Variants in CMIP observed in about 807,000 individuals in gnomAD.
The protein encoded by CMIP is C-Maf-inducing protein.
Under a neutral mutation model 97.3 loss-of-function variants are expected in CMIP, and 13 were observed. That is an observed-to-expected ratio of 0.13 (90% CI 0.09 to 0.21). The LOEUF (loss-of-function observed/expected upper bound fraction) is 0.21. Ranked by LOEUF, CMIP falls within the 10% of genes least tolerant of loss-of-function variation. The pLI, the probability that CMIP is intolerant of heterozygous loss-of-function variation, is 1.00. For missense variants in CMIP, 847 were observed against 1,024.9 expected (o/e 0.83, Z 2.37); for synonymous variants, 538 against 436.3 (o/e 1.23, Z -2.91).
At chr16:81,648,047 G>GCACCCGCAAAGCCGTAGCCCACC (rs2092385790) in intron 3 of CMIP, among the ~76,000 whole-genome samples, 1 of 142,950 alleles carries the variant, frequency 7.0e-6, no homozygotes. Context: ...CCCTCCCCCT[G>GCACCCGCAAAGCCGTAGCCCACC]CTGCTTCCAC....
At chr16:81,462,424 G>A (rs548146039) in intron 1 of CMIP, among the ~76,000 whole-genome samples, 1 of 152,162 alleles carries the variant, frequency 6.6e-6, no homozygotes, top group African/African-American at 2.4e-5. Context: ...CCCTCTCTAG[G>A]GCAATAAACC....
At chr16:81,458,579 A>G (rs929365071) in intron 1 of CMIP, among the ~76,000 whole-genome samples, 2 of 152,122 alleles carry the variant, frequency 1.3e-5, no homozygotes, top group African/African-American at 2.4e-5. Flanking sequence ...GGAAGGAGGA[A>G]ACCCCCTGCC....
chr16:81,452,536 A>G (rs1906282256), intron 1 of CMIP, among the ~76,000 whole-genome samples: 1 of 152,138 alleles, frequency 6.6e-6, no homozygotes, highest in Non-Finnish European at 1.5e-5. Flanking sequence ...GGAGAAAAGC[A>G]AGCAGGGTGG....
At chr16:81,683,449 G>A (rs1905071221) in intron 10 of CMIP, among the ~76,000 whole-genome samples, 1 of 152,212 alleles carries the variant, frequency 6.6e-6, no homozygotes, top group African/African-American at 2.4e-5. Context: ...TGTATTACCT[G>A]CAGTAGTTCC....
chr16:81,559,375 T>G (rs1406600913), intron 1 of CMIP, among the ~76,000 whole-genome samples: 1 of 152,218 alleles, frequency 6.6e-6, no homozygotes, highest in African/African-American at 2.4e-5. Flanking sequence ...ATTGAAAGCC[T>G]CTTGTGTTTC....
intron 1 of CMIP, among the ~76,000 whole-genome samples, chr16:81,495,923 T>TCCCCAGCTC (rs202177320): frequency 5.0e-4 from 76 of 152,124 alleles, no homozygotes; most frequent in East Asian, 2.9e-3. Flanking sequence ...TGCGAGATAA[T>TCCCCAGCTC]CCCCAGCTCC....
rs761162611 is a variant in CMIP, at chr16:81,627,351, C to T, written c.477+6425C>T. On this transcript the variant is annotated intron_variant, in intron 3 of 20. Transcript: ENST00000537098. The surrounding 1 kb of genome is among the most constrained non-coding windows in gnomAD (Gnocchi z 4.6). ...TGATCATGGCGTCTCGTCACTGGGC[C>T]GTGTGAGGATCGAAGGCTGTGTTGT... Among the ~76,000 whole-genome samples the T allele has an allele frequency of 1.3e-5, 2 of 151,920 alleles. No individual in the cohort carries two copies. Among genetic ancestry groups the T allele is most frequent in the East Asian group, 1.9e-4 (1 of 5,190 alleles).
At chr16:81,563,348 T>G (rs956397148) in intron 1 of CMIP, among the ~76,000 whole-genome samples, 1 of 152,218 alleles carries the variant, frequency 6.6e-6, no homozygotes, top group Non-Finnish European at 1.5e-5. Flanking sequence ...CCTCTTTCTG[T>G]TTTGTGGACT....
rs2092474642 is a variant in CMIP, at chr16:81,655,760, A to G, written c.640-2015A>G. Among the ~76,000 whole-genome samples, 1 of 152,198 alleles carries G rather than the reference A, an allele frequency of 6.6e-6. No homozygotes were observed. Among genetic ancestry groups the G allele is most frequent in the East Asian group, 1.9e-4 (1 of 5,196 alleles). ...CAGTGGCAGGAAATATAGACTTTAG[A>G]GTAAGGACAGACGGGTTCATATCCT... On this transcript the variant is annotated intron_variant, in intron 4 of 20. Coordinates refer to ENST00000537098, the MANE Select transcript of CMIP (RefSeq NM_198390.3). The surrounding 1 kb of genome is among the most constrained non-coding windows in gnomAD (Gnocchi z 4.9).
chr16:81,501,737 G>A (rs560759285), intron 1 of CMIP, among the ~76,000 whole-genome samples: 1 of 151,528 alleles, frequency 6.6e-6, no homozygotes, highest in East Asian at 1.9e-4. Context: ...TCAGCCTCCC[G>A]AGTAGCTGGA....
chr16:81,488,926 G>A (rs2089363236), intron 1 of CMIP, among the ~76,000 whole-genome samples: 1 of 152,114 alleles, frequency 6.6e-6, no homozygotes, highest in Non-Finnish European at 1.5e-5. Context: ...GGAAGAGATG[G>A]CCTTTCAGAC....
chr16:81,625,133 C>A (rs2092044326), intron 3 of CMIP, among the ~76,000 whole-genome samples: 1 of 152,230 alleles, frequency 6.6e-6, no homozygotes, highest in African/African-American at 2.4e-5. Flanking sequence ...TTTCTCTGAG[C>A]AGCTCTGCTC....
At chr16:81,520,976 T>C (rs922330139) in intron 1 of CMIP, among the ~76,000 whole-genome samples, 2 of 152,186 alleles carry the variant, frequency 1.3e-5, no homozygotes, top group Non-Finnish European at 2.9e-5. Flanking sequence ...AAATTAGCGG[T>C]GGCATGTGTC....
intron 19 of CMIP, 121 bp from the exon 20 acceptor site, chr16:81,706,893 C>T: frequency 3.8e-6 from 3 of 797,786 alleles, no homozygotes; most frequent in South Asian, 1.6e-5. Flanking sequence ...ACCTCCCTCC[C>T]CAGCCCCATC....
intron 1 of CMIP, among the ~76,000 whole-genome samples, chr16:81,544,770 T>C (rs2090513968): frequency 6.6e-6 from 1 of 151,934 alleles, no homozygotes; most frequent in African/African-American, 2.4e-5. Flanking sequence ...TGTGGAGTGT[T>C]GCGTGTGTGC....
intron 2 of CMIP, among the ~76,000 whole-genome samples, chr16:81,615,527 TTTTG>T: frequency 6.8e-6 from 1 of 146,452 alleles, no homozygotes; most frequent in Non-Finnish European, 1.5e-5. Flanking sequence ...GTGTATGTGT[TTTTG>T]TGTGTGGTAT....
In CMIP at chr16:81,565,943, C is replaced by T. The variant is rs181046696; in HGVS notation, c.301-41624C>T. Among the ~76,000 whole-genome samples, 379 of 152,312 alleles carry T rather than the reference C, an allele frequency of 2.5e-3. 1 individual carries two copies. Among genetic ancestry groups the T allele is most frequent in the African/African-American group, 8.6e-3 (356 of 41,578 alleles). ...TGCCCCTGCGCCCTCCTTCACCTTT[C>T]AGGACCAGAGCCAGAGAGTTTCCCG... On this transcript the variant is annotated intron_variant, in intron 1 of 20. Coordinates refer to ENST00000537098, the MANE Select transcript of CMIP (RefSeq NM_198390.3).
rs550352200 is a variant in CMIP at position 81,641,155 on chromosome 16, C to G, written c.478-11048C>G. Among the ~76,000 whole-genome samples, 33 of 152,306 alleles carry G rather than the reference C, an allele frequency of 2.2e-4. No individual in the cohort carries two copies. In the South Asian group the frequency reaches 6.4e-3, roughly 30 times the overall value. On this transcript the variant is annotated intron_variant, in intron 3 of 20. Coordinates refer to ENST00000537098, the MANE Select transcript of CMIP (RefSeq NM_198390.3). ...TGGAATCTGCATGGTAACCAGACCC[C>G]CAGGCAATTCCTGTGCACACGAATG...
At chr16:81,650,489 G>T (rs932381919) in intron 3 of CMIP, among the ~76,000 whole-genome samples, 1 of 152,072 alleles carries the variant, frequency 6.6e-6, no homozygotes, top group Non-Finnish European at 1.5e-5. Context: ...GTGATGGGCG[G>T]GGGGAATGAA....
Sources: allele counts gnomAD v4.1 joint callset (sites outside exome capture counted in the v4.1 genomes callset), GRCh38; gene constraint gnomAD v4.1.1; non-coding constraint Gnocchi (gnomAD v3.1); transcripts MANE v1.5; gene names NCBI Gene and HGNC (gene_info 2026-07-23, HGNC 2026-07-21).